Variants in PHKB observed in about 807,000 individuals in gnomAD.
PHKB encodes the protein phosphorylase kinase regulatory subunit beta.
PHKB carries 122 observed loss-of-function variants against 152.1 expected under a neutral mutation model. The ratio of observed to expected loss-of-function variants is 0.80; its 90% CI spans 0.69 to 0.93. The LOEUF (loss-of-function observed/expected upper bound fraction) is 0.93, where lower values mean the gene tolerates loss of function less well. Among genes scored for constraint, PHKB ranks in the 40% least tolerant of loss-of-function variants. The probability of loss-of-function intolerance (pLI) is 0.00; values close to 1 mark genes in which losing one functional copy is unlikely to be tolerated. For missense variants in PHKB, 1,304 were observed against 1,328.4 expected, an observed-to-expected ratio of 0.98 and a Z score of 0.29; for synonymous variants, 436 against 464.9, an observed-to-expected ratio of 0.94 and a Z score of 0.80.
intron 7 of PHKB, among the ~76,000 whole-genome samples, chr16:47,569,078 A>G (rs1217952773): frequency 6.6e-6 from 1 of 152,154 alleles, no homozygotes; most frequent in African/African-American, 2.4e-5. Flanking sequence ...CTTTGTTGAC[A>G]TTCTACCTCA....
intron 6 of PHKB, among the ~76,000 whole-genome samples, chr16:47,537,945 A>G (rs1220641368): frequency 1.3e-5 from 2 of 151,372 alleles, no homozygotes; most frequent in Admixed American, 6.6e-5. Context: ...TCCAGGCTGG[A>G]GTGCAGTGGC....
At chr16:47,511,334 A>G (rs1407559440) in intron 4 of PHKB, among the ~76,000 whole-genome samples, 1 of 152,220 alleles carries the variant, frequency 6.6e-6, no homozygotes, top group Admixed American at 6.5e-5. Context: ...AATCACTGAA[A>G]TCCTGTCTCA....
intron 20 of PHKB, among the ~76,000 whole-genome samples, chr16:47,651,760 T>C (rs751385671): frequency 3.9e-5 from 6 of 152,214 alleles, no homozygotes; most frequent in Non-Finnish European, 8.8e-5. Context: ...CGTAGTAGTA[T>C]AAATGGCATG....
intron 26 of PHKB, among the ~76,000 whole-genome samples, chr16:47,677,091 A>G (rs1429258475): frequency 6.6e-6 from 1 of 152,200 alleles, no homozygotes; most frequent in Non-Finnish European, 1.5e-5. Context: ...CTTATGCACT[A>G]AAGGAAAGAG....
chr16:47,621,099 C>T (rs960059291), intron 14 of PHKB, among the ~76,000 whole-genome samples: 1 of 152,128 alleles, frequency 6.6e-6, no homozygotes, highest in Non-Finnish European at 1.5e-5. Flanking sequence ...GGGAAGGACT[C>T]CTAGCATCTC....
At chr16:47,688,239 T>C (rs1230243967) in intron 26 of PHKB, among the ~76,000 whole-genome samples, 1 of 152,208 alleles carries the variant, frequency 6.6e-6, no homozygotes, top group Non-Finnish European at 1.5e-5. Flanking sequence ...TTCCCTGGCT[T>C]TTCCTAATGG....
intron 14 of PHKB, among the ~76,000 whole-genome samples, chr16:47,612,650 C>A (rs1273380012): frequency 1.3e-5 from 2 of 152,202 alleles, no homozygotes; most frequent in Non-Finnish European, 2.9e-5. Flanking sequence ...ATGCTCCTCT[C>A]CTGTAGCCAC....
At chr16:47,565,924 G>A in intron 7 of PHKB, 1 of 1,048,892 alleles carries the variant, frequency 9.5e-7, no homozygotes, top group South Asian at 1.5e-5. Context: ...GGTCTTTGTG[G>A]GGGACCTCTA....
At chr16:47,513,835 A>G (rs1184713130) in intron 5 of PHKB, among the ~76,000 whole-genome samples, 1 of 152,226 alleles carries the variant, frequency 6.6e-6, no homozygotes, top group Admixed American at 6.5e-5. Flanking sequence ...CTTATTTAAT[A>G]ACAGTTTTAT....
chr16:47,485,623 C>T (rs1312508607), intron 1 of PHKB, among the ~76,000 whole-genome samples: 1 of 152,094 alleles, frequency 6.6e-6, no homozygotes, highest in African/African-American at 2.4e-5. Context: ...TTGGTTCGTT[C>T]GTATTTATTT....
chr16:47,539,374 A>G (rs1379509642), intron 6 of PHKB, among the ~76,000 whole-genome samples: 1 of 152,036 alleles, frequency 6.6e-6, no homozygotes, highest in African/African-American at 2.4e-5. Context: ...CTTTTTTTTT[A>G]ATATCTAAAG....
chr16:47,499,021 G>A (rs1320578974), intron 2 of PHKB, among the ~76,000 whole-genome samples: 1 of 152,160 alleles, frequency 6.6e-6, no homozygotes, highest in Non-Finnish European at 1.5e-5. Flanking sequence ...TGTAATTTTA[G>A]TGTTTGTGTT....
chr16:47,597,849 G>T (rs193039913), intron 13 of PHKB: 15 of 151,528 alleles, frequency 9.9e-5, no homozygotes, highest in Admixed American at 5.3e-4. Flanking sequence ...AAAATTAAAG[G>T]CCACGGTCCA....
chr16:47,665,301 A>G, intron 25 of PHKB: 1 of 327,496 alleles, frequency 3.1e-6, no homozygotes, highest in South Asian at 2.9e-5. Context: ...AGGGAAAAAA[A>G]TTGTCTTATG....
intron 6 of PHKB, among the ~76,000 whole-genome samples, chr16:47,536,468 G>C (rs930667188): frequency 6.6e-6 from 1 of 152,192 alleles, no homozygotes; most frequent in Non-Finnish European, 1.5e-5. Flanking sequence ...TGAGCTCAGA[G>C]AAGTTATACA....
chr16:47,494,137 TTGCTGGTAAAG>T (rs1970194900), intron 1 of PHKB, among the ~76,000 whole-genome samples: 1 of 152,100 alleles, frequency 6.6e-6, no homozygotes. Flanking sequence ...AAGGTGCTGA[TTGCTGGTAAAG>T]TGGTGGGGCT....
intron 7 of PHKB, among the ~76,000 whole-genome samples, chr16:47,553,722 T>C (rs774356581): frequency 3.3e-5 from 5 of 152,178 alleles, no homozygotes; most frequent in Non-Finnish European, 5.9e-5. Flanking sequence ...GGTCTCTGAG[T>C]GGACATCCTT....
At chr16:47,578,205 T>G (rs1971781522) in intron 7 of PHKB, among the ~76,000 whole-genome samples, 1 of 152,244 alleles carries the variant, frequency 6.6e-6, no homozygotes, top group Non-Finnish European at 1.5e-5. Context: ...TTCTGGTTTT[T>G]TGATTTGTTT....
intron 20 of PHKB, among the ~76,000 whole-genome samples, chr16:47,658,559 A>G (rs573061371): frequency 5.3e-4 from 81 of 152,174 alleles, no homozygotes; most frequent in Non-Finnish European, 1.0e-3. Flanking sequence ...GTCTCATAAG[A>G]TTTTAATACT....
Sources: allele counts gnomAD v4.1 joint callset (sites outside exome capture counted in the v4.1 genomes callset), GRCh38; gene constraint gnomAD v4.1.1; transcripts MANE v1.5; gene names NCBI Gene and HGNC (gene_info 2026-07-23, HGNC 2026-07-21).